The following SP140L variants were observed in gnomAD, a reference collection of about 807,000 sequenced individuals.
SP140L encodes nuclear body protein SP140-like protein.
Under a neutral mutation model 84.3 loss-of-function variants are expected in SP140L, and 64 were observed. The ratio of observed to expected loss-of-function variants is 0.76; its 90% CI spans 0.62 to 0.94. The LOEUF is 0.94. Ranked by LOEUF, SP140L falls within the 40% of genes least tolerant of loss-of-function variation. The probability of loss-of-function intolerance (pLI) is 0.00; values close to 1 mark genes in which losing one functional copy is unlikely to be tolerated. For synonymous variants in SP140L, 242 were observed against 236.9 expected (o/e 1.02, Z -0.20); for missense variants, 628 against 692.5 (o/e 0.91, Z 1.05).
At chr2:230,336,692 A>T (rs1407398037) in intron 2 of SP140L, among the ~76,000 whole-genome samples, 1 of 152,218 alleles carries the variant, frequency 6.6e-6, no homozygotes, top group Non-Finnish European at 1.5e-5. Flanking sequence ...GGACTTGTCA[A>T]CTTCTAACAG....
chr2:230,343,827 A>T (rs966442535), intron 2 of SP140L, among the ~76,000 whole-genome samples: 1 of 152,160 alleles, frequency 6.6e-6, no homozygotes, highest in Non-Finnish European at 1.5e-5. Context: ...ACATGAACTC[A>T]TCCTTTTTTA....
intron 15 of SP140L, 109 bp from the exon 16 acceptor site, chr2:230,400,846 C>T: frequency 6.4e-7 from 1 of 1,567,100 alleles, no homozygotes; most frequent in Non-Finnish European, 8.7e-7. Flanking sequence ...TCCCCTCCCT[C>T]CCATGACTGA....
Position 230,357,804 on chromosome 2 carries a change from G to A in SP140L, c.108-1G>A, listed in dbSNP as rs1345418273. ...TTTCATTTGGTGTCCTTTTTCCTTA[G>A]GCTGTTCACGGAAGACCAGGATGTA... is the stretch of plus-strand genomic sequence containing the variant. On this transcript the variant is annotated splice_acceptor_variant, in intron 2 of 18. Transcript: ENST00000415673. LOFTEE classifies it high-confidence loss of function. 28 of 1,604,074 alleles carry A rather than the reference G, an allele frequency of 1.7e-5. No individual in the cohort carries two copies. The highest frequency in any genetic ancestry group is 2.1e-5 in the Non-Finnish European group (25 of 1,177,196).
At chr2:230,366,661 A>G (rs1263992972) in intron 5 of SP140L, among the ~76,000 whole-genome samples, 1 of 150,142 alleles carries the variant, frequency 6.7e-6, no homozygotes, top group East Asian at 1.9e-4. Context: ...GCAAGTACCT[A>G]CTACAACTAT....
chr2:230,392,309 ATT>A, intron 12 of SP140L, 80 bp downstream of exon 12: 1 of 1,591,836 alleles, frequency 6.3e-7, no homozygotes, highest in Non-Finnish European at 8.6e-7. Flanking sequence ...TTCACCAAAT[ATT>A]TGTTAGGTTA....
At chr2:230,334,280 TATTCTTTC>T in intron 2 of SP140L, among the ~76,000 whole-genome samples, 1 of 152,364 alleles carries the variant, frequency 6.6e-6, no homozygotes, top group South Asian at 2.1e-4. Context: ...TCAGGTATTT[TATTCTTTC>T]ATTCTGTGAA....
chr2:230,366,879 C>CA (rs2060895631), intron 5 of SP140L, among the ~76,000 whole-genome samples: 1 of 151,932 alleles, frequency 6.6e-6, no homozygotes, highest in Non-Finnish European at 1.5e-5. Flanking sequence ...ACTACAGGCG[C>CA]ATGCCACCAA....
At chr2:230,333,371 G>T (rs1388234754) in intron 2 of SP140L, among the ~76,000 whole-genome samples, 1 of 152,072 alleles carries the variant, frequency 6.6e-6, no homozygotes, top group Non-Finnish European at 1.5e-5. Flanking sequence ...TGTTTGCCAG[G>T]AAGGTCTCAA....
rs974137603 is a variant in SP140L, at chr2:230,340,428, G to A, written c.107+11597G>A. Among the ~76,000 whole-genome samples, 28 of 148,784 alleles carry A rather than the reference G, an allele frequency of 1.9e-4. 1 individual carries two copies. Among genetic ancestry groups the A allele is most frequent in the Admixed American group, 1.8e-3 (27 of 14,892 alleles). Reference sequence around the variant, plus strand: ...TTTCCTGAATACAGCACACTGATGGGTCTTGACTCTTTATCCAATTTGCCA... The same window carrying A: ...TTTCCTGAATACAGCACACTGATGGATCTTGACTCTTTATCCAATTTGCCA... On this transcript the variant is annotated intron_variant, in intron 2 of 18. Transcript: ENST00000415673.
At chr2:230,361,030 A>G (rs1282896562) in intron 4 of SP140L, among the ~76,000 whole-genome samples, 1 of 152,102 alleles carries the variant, frequency 6.6e-6, no homozygotes, top group Non-Finnish European at 1.5e-5. Context: ...GCTCACTACA[A>G]CCTTGACTTC....
intron 7 of SP140L, among the ~76,000 whole-genome samples, chr2:230,382,470 CT>C (rs1202958319): frequency 2.0e-5 from 3 of 152,174 alleles, no homozygotes; most frequent in Non-Finnish European, 4.4e-5. Flanking sequence ...CAAAATCTGT[CT>C]GTACCATTCT....
chr2:230,337,980 T>C (rs2059927721), intron 2 of SP140L, among the ~76,000 whole-genome samples: 1 of 150,290 alleles, frequency 6.7e-6, no homozygotes, highest in African/African-American at 2.5e-5. Context: ...CAATGCGGGC[T>C]CTTTTTTGGT....
intron 5 of SP140L, among the ~76,000 whole-genome samples, chr2:230,367,045 A>C (rs1027256333): frequency 6.6e-6 from 1 of 151,550 alleles, no homozygotes; most frequent in Non-Finnish European, 1.5e-5. Context: ...TAGATTCTTT[A>C]TTCCTTTCTT....
chr2:230,328,373 C>T (rs1559396691), intron 1 of SP140L, among the ~76,000 whole-genome samples: 1 of 152,100 alleles, frequency 6.6e-6, no homozygotes, highest in African/African-American at 2.4e-5. Context: ...TTTTTGTAAA[C>T]ATATAATTTG....
chr2:230,392,991 C>T (rs7589948), intron 12 of SP140L, among the ~76,000 whole-genome samples: 40,877 of 151,950 alleles, frequency 0.27, 5,843 homozygotes, highest in Non-Finnish European at 0.31. Context: ...TTTTTGTCTG[C>T]AGACCCCTTT....
chr2:230,392,581 G>T (rs1474158967), intron 12 of SP140L, among the ~76,000 whole-genome samples: 1 of 152,146 alleles, frequency 6.6e-6, no homozygotes, highest in African/African-American at 2.4e-5. Flanking sequence ...AACCAGAATG[G>T]CATGAAAACA....
At chr2:230,370,032 A>G (rs918185092) in intron 5 of SP140L, among the ~76,000 whole-genome samples, 1 of 152,168 alleles carries the variant, frequency 6.6e-6, no homozygotes, top group African/African-American at 2.4e-5. Flanking sequence ...TCAGCCTCCC[A>G]AAGTGCTGGG....
chr2:230,343,117 ATGTG>A (rs1445093339), intron 2 of SP140L, among the ~76,000 whole-genome samples: 2 of 148,968 alleles, frequency 1.3e-5, no homozygotes, highest in Admixed American at 6.7e-5. Context: ...TCAGGGGTAC[ATGTG>A]CAGGATGTGC....
rs528730258 is a variant in SP140L, at chr2:230,401,101, C to T, written c.1422+38C>T. The stretch of plus-strand genomic sequence containing the variant: ...CAAACCCCAAGCCTTCTCCTTTCCC[C>T]TCACACGTGAGAACCATGAACAAGC... On this transcript the variant is annotated intron_variant, in intron 16 of 18. Transcript: ENST00000415673. The T allele has an allele frequency of 1.1e-4, 101 of 906,772 alleles. 1 individual carries two copies. Among genetic ancestry groups the T allele is most frequent in the South Asian group, 3.8e-4 (22 of 57,276 alleles). 56.2% of individuals were successfully genotyped at this position (906,772 alleles called of 1,614,324 possible). A position where few individuals can be genotyped will look rare whatever the true frequency, so the allele number is the denominator to read the frequency against.
Sources: allele counts gnomAD v4.1 joint callset (sites outside exome capture counted in the v4.1 genomes callset), GRCh38; gene constraint gnomAD v4.1.1; transcripts MANE v1.5; gene names NCBI Gene and HGNC (gene_info 2026-07-23, HGNC 2026-07-21).